Variants in ADGRL3 observed in about 807,000 individuals in gnomAD.
The protein encoded by ADGRL3 is calcium-independent alpha-latrotoxin receptor 3.
ADGRL3 carries 62 observed loss-of-function variants against 153.5 expected under a neutral mutation model. That is an observed-to-expected ratio of 0.40 (90% CI 0.33 to 0.50). The LOEUF (loss-of-function observed/expected upper bound fraction) is 0.50, where lower values mean the gene tolerates loss of function less well. ADGRL3 is among the 20% of genes least tolerant of loss of function. The probability of loss-of-function intolerance (pLI) is 0.47; values close to 1 mark genes in which losing one functional copy is unlikely to be tolerated. For missense variants in ADGRL3, 1,641 were observed against 1,859.4 expected, an observed-to-expected ratio of 0.88 and a Z score of 2.16; for synonymous variants, 710 against 672.5, an observed-to-expected ratio of 1.06 and a Z score of -0.86.
intron 9 of ADGRL3, among the ~76,000 whole-genome samples, chr4:61,845,666 T>C (rs904262094): frequency 6.6e-6 from 1 of 151,742 alleles, no homozygotes; most frequent in African/African-American, 2.4e-5. Flanking sequence ...GCACCCAGCC[T>C]CCCTCTCTTT....
intron 9 of ADGRL3, among the ~76,000 whole-genome samples, chr4:61,850,883 A>C (rs2098194010): frequency 2.0e-5 from 3 of 152,206 alleles, no homozygotes; most frequent in African/African-American, 7.2e-5. Flanking sequence ...TTAAATAATA[A>C]ATCATTCACT....
At chr4:61,949,026 A>AG (rs2098936691) in intron 17 of ADGRL3, among the ~76,000 whole-genome samples, 2 of 152,136 alleles carry the variant, frequency 1.3e-5, no homozygotes, top group African/African-American at 4.8e-5. Flanking sequence ...AGAAAAAAAA[A>AG]AAAAACACTA....
intron 13 of ADGRL3, among the ~76,000 whole-genome samples, chr4:61,921,657 C>T (rs752919391): frequency 1.3e-5 from 2 of 152,142 alleles, no homozygotes; most frequent in Admixed American, 6.5e-5. Flanking sequence ...TCATCTGCCT[C>T]GGCCTCCCAA....
chr4:61,404,412 T>C (rs745597265), intron 2 of ADGRL3, among the ~76,000 whole-genome samples: 1 of 152,086 alleles, frequency 6.6e-6, no homozygotes, highest in Non-Finnish European at 1.5e-5. Flanking sequence ...GACTAGTACC[T>C]TGCTGCTTTC....
At chr4:61,493,017 ATTTG>A (rs147530229) in intron 2 of ADGRL3, among the ~76,000 whole-genome samples, 1,632 of 152,266 alleles carry the variant, frequency 0.011, 30 homozygotes, top group African/African-American at 0.036. Flanking sequence ...AAGAAAAGAA[ATTTG>A]TTTGGTGAAG....
intron 8 of ADGRL3, among the ~76,000 whole-genome samples, chr4:61,799,921 C>T (rs1012009484): frequency 1.3e-5 from 2 of 152,048 alleles, no homozygotes; most frequent in Admixed American, 6.6e-5. Flanking sequence ...GGATTGTTTG[C>T]TTTTTATAGA....
intron 5 of ADGRL3, among the ~76,000 whole-genome samples, chr4:61,631,993 A>G (rs895812418): frequency 2.6e-5 from 4 of 152,114 alleles, no homozygotes; most frequent in African/African-American, 9.7e-5. Context: ...ACTCTTATTT[A>G]TGTGCCTATA....
At chr4:61,981,387 G>T (rs1449095106) in intron 18 of ADGRL3, among the ~76,000 whole-genome samples, 1 of 149,328 alleles carries the variant, frequency 6.7e-6, no homozygotes, top group Admixed American at 6.7e-5. Flanking sequence ...AACCTGCAAA[G>T]CATTTTTATT....
At chr4:61,518,025 G>A (rs937403964) in intron 4 of ADGRL3, among the ~76,000 whole-genome samples, 6 of 152,136 alleles carry the variant, frequency 3.9e-5, no homozygotes, top group Admixed American at 2.0e-4. Context: ...ATTTTCTTAT[G>A]AAAATGGCGG....
intron 21 of ADGRL3, among the ~76,000 whole-genome samples, chr4:62,007,893 T>C (rs1453871526): frequency 6.6e-6 from 1 of 152,116 alleles, no homozygotes; most frequent in Non-Finnish European, 1.5e-5. Context: ...CTCTGACTTT[T>C]AGAGATCTTA....
chr4:61,742,534 C>A (rs1165869486), intron 8 of ADGRL3, among the ~76,000 whole-genome samples: 1 of 152,100 alleles, frequency 6.6e-6, no homozygotes, highest in African/African-American at 2.4e-5. Context: ...CCCATCTCGG[C>A]CTCCCAAAGT....
At chr4:61,262,512 T>C (rs972408067) in intron 1 of ADGRL3, among the ~76,000 whole-genome samples, 7 of 152,106 alleles carry the variant, frequency 4.6e-5, no homozygotes, top group Admixed American at 3.3e-4. Flanking sequence ...CCAGACACTG[T>C]ATTAGCATTC....
chr4:61,533,340 G>C (rs1000475477), intron 4 of ADGRL3, among the ~76,000 whole-genome samples: 3 of 152,148 alleles, frequency 2.0e-5, no homozygotes, highest in African/African-American at 7.2e-5. Context: ...TCCAAACCAC[G>C]GGAATTAGGA....
At chr4:61,636,941 C>T (rs528560542) in intron 5 of ADGRL3, among the ~76,000 whole-genome samples, 5 of 151,920 alleles carry the variant, frequency 3.3e-5, no homozygotes, top group East Asian at 1.9e-4. Context: ...CACAAGGGAT[C>T]GGAGGGTGAT....
chr4:61,997,126 T>C (rs2099124393), intron 20 of ADGRL3, among the ~76,000 whole-genome samples: 1 of 151,888 alleles, frequency 6.6e-6, no homozygotes, highest in Non-Finnish European at 1.5e-5. Flanking sequence ...GTGGTACATA[T>C]ATTGCGTAAT....
intron 1 of ADGRL3, among the ~76,000 whole-genome samples, chr4:61,281,236 G>A (rs1464389579): frequency 6.6e-6 from 1 of 151,942 alleles, no homozygotes; most frequent in Admixed American, 6.6e-5. Context: ...ACCGAATGGG[G>A]TACCATCCCA....
chr4:61,236,557 T>G (rs533945953), intron 1 of ADGRL3, among the ~76,000 whole-genome samples: 1 of 152,300 alleles, frequency 6.6e-6, no homozygotes, highest in East Asian at 1.9e-4. Context: ...CCCTGAATGT[T>G]ATTCTAATAA....
intron 1 of ADGRL3, among the ~76,000 whole-genome samples, chr4:61,302,046 A>G (rs1246753438): frequency 6.6e-6 from 1 of 152,182 alleles, no homozygotes; most frequent in Non-Finnish European, 1.5e-5. Context: ...CAAAGTTTGT[A>G]TTATAATCCC....
At chr4:61,703,699 A>G (rs1367782436) in intron 6 of ADGRL3, among the ~76,000 whole-genome samples, 4 of 152,130 alleles carry the variant, frequency 2.6e-5, no homozygotes, top group South Asian at 2.1e-4. Flanking sequence ...CTTGCTAGGT[A>G]GTGACAGAGG....
Sources: allele counts gnomAD v4.1 joint callset (sites outside exome capture counted in the v4.1 genomes callset), GRCh38; gene constraint gnomAD v4.1.1; transcripts MANE v1.5; gene names NCBI Gene and HGNC (gene_info 2026-07-23, HGNC 2026-07-21).